OXR1: variants seen among roughly 807,000 people sequenced by gnomAD.
OXR1 encodes oxidation resistance protein 1.
Under a neutral mutation model 104.6 loss-of-function variants are expected in OXR1, and 41 were observed. The observed-to-expected ratio is 0.39, with a 90% confidence interval of 0.31 to 0.51. OXR1 has a LOEUF of 0.51. Ranked by LOEUF, OXR1 falls within the 20% of genes least tolerant of loss-of-function variation. OXR1 has a pLI of 0.77. For synonymous variants in OXR1, 348 were observed against 348.4 expected, an observed-to-expected ratio of 1.00 and a Z score of 0.01; for missense variants, 955 against 1,031.9, an observed-to-expected ratio of 0.93 and a Z score of 1.02.
chr8:106,530,926 G>A (rs990809508), intron 3 of OXR1, among the ~76,000 whole-genome samples: 3 of 152,140 alleles, frequency 2.0e-5, no homozygotes, highest in Admixed American at 6.5e-5. Context: ...CTGCTTTTTG[G>A]TAGGGAAAAA....
rs1251019460 is a variant in OXR1 at position 106,581,261 on chromosome 8, T to C, written c.220+62122T>C. The C allele has an allele frequency of 3.9e-6, 5 of 1,285,148 alleles. No homozygotes were observed. In the African/African-American group the frequency reaches 7.6e-5, roughly 20 times the overall value. The allele number at this position is 1,285,148 out of a possible 1,614,324, so 79.6% of individuals were successfully genotyped here. On this transcript the variant is annotated intron_variant, in intron 3 of 16. Coordinates refer to ENST00000517566, the MANE Select transcript of OXR1 (RefSeq NM_001198533.2). ...TCCATGAAGCTGAGAAGTAAGTTTC[T>C]GAAATCATGCCTTTCTATTTTTTTT...
At chr8:106,353,959 G>A (rs1815850638) in intron 1 of OXR1, among the ~76,000 whole-genome samples, 1 of 152,070 alleles carries the variant, frequency 6.6e-6, no homozygotes, top group Non-Finnish European at 1.5e-5. Context: ...TTCTGCTTTT[G>A]TAGATCTCAC....
chr8:106,457,609 A>G (rs1396662449), intron 2 of OXR1, among the ~76,000 whole-genome samples: 4 of 152,162 alleles, frequency 2.6e-5, no homozygotes, highest in African/African-American at 7.2e-5. Flanking sequence ...TAAATGGAGC[A>G]TTAAGGACAA....
At chr8:106,545,983 G>T (rs927165376) in intron 3 of OXR1, among the ~76,000 whole-genome samples, 2 of 114,562 alleles carry the variant, frequency 1.7e-5, no homozygotes, top group African/African-American at 7.4e-5. Flanking sequence ...GTGACAGAGT[G>T]AGATTCTGTC....
At chr8:106,290,043 C>G (rs186742859) in intron 1 of OXR1, among the ~76,000 whole-genome samples, 41 of 152,272 alleles carry the variant, frequency 2.7e-4, no homozygotes, top group African/African-American at 7.9e-4. Flanking sequence ...AATTAAACCT[C>G]TTTCCTTCTT....
At chr8:106,436,738 A>G (rs1331723127) in intron 2 of OXR1, among the ~76,000 whole-genome samples, 1 of 152,140 alleles carries the variant, frequency 6.6e-6, no homozygotes, top group Non-Finnish European at 1.5e-5. Flanking sequence ...TTCCCTGCAG[A>G]AGTAGCAGAA....
chr8:106,651,451 G>A (rs1301590028), intron 3 of OXR1, among the ~76,000 whole-genome samples: 3 of 152,148 alleles, frequency 2.0e-5, no homozygotes, highest in Non-Finnish European at 2.9e-5. Context: ...TGTGAGGTAA[G>A]GGTTTAATCT....
intron 6 of OXR1, among the ~76,000 whole-genome samples, chr8:106,688,133 A>T (rs2131268663): frequency 6.6e-6 from 1 of 152,250 alleles, no homozygotes; most frequent in Admixed American, 6.5e-5. Flanking sequence ...TTGTACTGTA[A>T]GTTCACCCAT....
At chr8:106,469,601 G>A (rs1388067950) in intron 2 of OXR1, among the ~76,000 whole-genome samples, 1 of 151,796 alleles carries the variant, frequency 6.6e-6, no homozygotes, top group African/African-American at 2.4e-5. Context: ...AAAGTAACAG[G>A]TTTTGAGTAA....
chr8:106,355,906 CCT>C (rs1815947566), intron 1 of OXR1, among the ~76,000 whole-genome samples: 1 of 151,780 alleles, frequency 6.6e-6, no homozygotes, highest in South Asian at 2.1e-4. Flanking sequence ...AAAACAATAC[CCT>C]GTCAAAGAAA....
At chr8:106,745,380 G>A (rs901741280) in intron 15 of OXR1, among the ~76,000 whole-genome samples, 2 of 152,048 alleles carry the variant, frequency 1.3e-5, no homozygotes, top group Non-Finnish European at 2.9e-5. Context: ...AAAGGCCTTG[G>A]CCCTATGTTA....
intron 7 of OXR1, chr8:106,697,823 C>G (rs1234971115): frequency 3.1e-6 from 5 of 1,612,254 alleles, no homozygotes; most frequent in Non-Finnish European, 4.2e-6. Context: ...TTATTGAGCT[C>G]ACATAACACC....
At chr8:106,730,856 G>A (rs1833822035) in intron 11 of OXR1, among the ~76,000 whole-genome samples, 1 of 151,342 alleles carries the variant, frequency 6.6e-6, no homozygotes, top group Admixed American at 6.6e-5. Flanking sequence ...CGATCAGCCA[G>A]GGCAACATAG....
At chr8:106,585,247 A>G (rs1818542748) in intron 3 of OXR1, among the ~76,000 whole-genome samples, 1 of 152,090 alleles carries the variant, frequency 6.6e-6, no homozygotes, top group Non-Finnish European at 1.5e-5. Flanking sequence ...AGGGCTTCTC[A>G]GAGATATTTC....
chr8:106,728,842 A>C (rs890264463), intron 11 of OXR1, among the ~76,000 whole-genome samples: 1 of 152,176 alleles, frequency 6.6e-6, no homozygotes, highest in African/African-American at 2.4e-5. Context: ...AAATAGCATC[A>C]GTGTTTCATT....
chr8:106,302,445 G>A (rs950511980), intron 1 of OXR1, among the ~76,000 whole-genome samples: 2 of 151,834 alleles, frequency 1.3e-5, no homozygotes, highest in Non-Finnish European at 2.9e-5. Flanking sequence ...ATTAAGCCCG[G>A]CGTGGTGGCG....
At chr8:106,642,656 T>G (rs1402753428) in intron 3 of OXR1, among the ~76,000 whole-genome samples, 1 of 152,202 alleles carries the variant, frequency 6.6e-6, no homozygotes, top group African/African-American at 2.4e-5. Context: ...CTGGGAAATG[T>G]AGGCTCACTA....
At chr8:106,721,902 A>C (rs1369172007) in intron 11 of OXR1, among the ~76,000 whole-genome samples, 4 of 152,128 alleles carry the variant, frequency 2.6e-5, no homozygotes, top group Non-Finnish European at 1.5e-5. Context: ...TTTCACTACT[A>C]TGTGGTGATT....
chr8:106,692,760 C>A lies in OXR1; in HGVS notation c.558C>A (p.Pro186=), dbSNP rs750972238. ...ATGTCCATCCAACAGAAGCAACTCC[C>A]TCATCTACTTTCACTGGTATTCGAC... The part of the protein sequence containing the change: ...NPDVHPTEAT[P]SSTFTGIRPA... The change falls in exon 7 of 17, where the codon CCC becomes CCA. Residue 186 remains proline (P), a synonymous_variant. Transcript: ENST00000517566. 3.2e-6 allele frequency: 5 copies of A among 1,566,062 alleles called. No individual in the cohort carries two copies. In the Admixed American group the frequency reaches 7.3e-5, roughly 23 times the overall value.
Sources: allele counts gnomAD v4.1 joint callset (sites outside exome capture counted in the v4.1 genomes callset), GRCh38; gene constraint gnomAD v4.1.1; transcripts MANE v1.5; gene names NCBI Gene and HGNC (gene_info 2026-07-23, HGNC 2026-07-21).